Variants in RNF2 observed in about 807,000 individuals in gnomAD.
The protein encoded by RNF2 is E3 ubiquitin-protein ligase RING2.
RNF2 carries 6 observed loss-of-function variants against 37.2 expected under a neutral mutation model. The ratio of observed to expected loss-of-function variants is 0.16; its 90% CI spans 0.09 to 0.32. RNF2 has a LOEUF of 0.32. Among genes scored for constraint, RNF2 ranks in the 10% least tolerant of loss-of-function variants. RNF2 has a pLI of 1.00. For missense variants in RNF2, 251 were observed against 404.0 expected, an observed-to-expected ratio of 0.62 and a Z score of 3.25; for synonymous variants, 133 against 132.7, an observed-to-expected ratio of 1.00 and a Z score of -0.02.
chr1:185,068,909 G>A (rs1650879499), intron 1 of RNF2, among the ~76,000 whole-genome samples: 1 of 152,052 alleles, frequency 6.6e-6, no homozygotes, highest in Non-Finnish European at 1.5e-5. Context: ...AAATTTTTAC[G>A]ATTAAAGCAG....
intron 1 of RNF2, among the ~76,000 whole-genome samples, chr1:185,058,595 G>C (rs527338452): frequency 2.0e-5 from 3 of 152,144 alleles, no homozygotes; most frequent in African/African-American, 7.2e-5. Flanking sequence ...TTTATTGTTC[G>C]GTAATGTGGA....
In RNF2 at chr1:185,097,527, T is replaced by C. The variant is rs541663342; in HGVS notation, c.465-545T>C. ...TTTGTCAATTAATTCTTATAGTCTT[T>C]TGTTTAATAAAGAAAATTATTTTTA... On this transcript the variant is annotated intron_variant, in intron 4 of 6. Transcript: ENST00000367510. Among the ~76,000 whole-genome samples the C allele has an allele frequency of 2.1e-3, 326 of 152,324 alleles. 1 individual carries two copies. Among genetic ancestry groups the C allele is most frequent in the African/African-American group, 7.5e-3 (312 of 41,582 alleles).
At chr1:185,082,922 A>G (rs1307528586) in intron 1 of RNF2, among the ~76,000 whole-genome samples, 1 of 152,256 alleles carries the variant, frequency 6.6e-6, no homozygotes, top group African/African-American at 2.4e-5. Context: ...ACCACATTGA[A>G]GAATGTATTC....
chr1:185,094,877 C>T (rs1385233328), intron 4 of RNF2, among the ~76,000 whole-genome samples: 1 of 152,176 alleles, frequency 6.6e-6, no homozygotes, highest in African/African-American at 2.4e-5. Flanking sequence ...TAGTAAAGTC[C>T]ATCTCAGTCT....
intron 2 of RNF2, among the ~76,000 whole-genome samples, chr1:185,089,341 A>T (rs898685069): frequency 6.6e-6 from 1 of 152,180 alleles, no homozygotes; most frequent in African/African-American, 2.4e-5. Context: ...AGTATGTGGG[A>T]GAATATGCCT....
At chr1:185,067,414 C>G (rs1190124885) in intron 1 of RNF2, among the ~76,000 whole-genome samples, 1 of 152,096 alleles carries the variant, frequency 6.6e-6, no homozygotes, top group Non-Finnish European at 1.5e-5. Context: ...CACCTGTATC[C>G]TGTAAGCAAG....
At chr1:185,068,887 G>A (rs904544319) in intron 1 of RNF2, among the ~76,000 whole-genome samples, 2 of 152,130 alleles carry the variant, frequency 1.3e-5, no homozygotes, top group African/African-American at 4.8e-5. Flanking sequence ...CAGATACTCT[G>A]TATAGACCAG....
Position 185,100,436 on chromosome 1 carries a change from G to A in RNF2, c.*135G>A, listed in dbSNP as rs1363318712. 7 of 477,030 alleles carry A rather than the reference G, an allele frequency of 1.5e-5. No homozygotes were observed. Among genetic ancestry groups the A allele is most frequent in the Non-Finnish European group, 2.6e-5 (7 of 270,732 alleles). The allele number at this position is 477,030 out of a possible 1,614,324, so 29.5% of individuals were successfully genotyped here. ...TTCTTTCTGAGCCAGACTAGTTTAC[G>A]CTATTCAAATCTTTTCCCCTTTATT... On this transcript the variant is annotated 3_prime_UTR_variant, in exon 7 of 7. Coordinates refer to ENST00000367510, the MANE Select transcript of RNF2 (RefSeq NM_007212.4).
At chr1:185,063,488 G>A (rs1650672763) in intron 1 of RNF2, among the ~76,000 whole-genome samples, 1 of 152,096 alleles carries the variant, frequency 6.6e-6, no homozygotes, top group Admixed American at 6.5e-5. Flanking sequence ...TAAGACTATT[G>A]AGCAAATAAA....
chr1:185,080,882 C>T lies in RNF2; in HGVS notation c.-2-6670C>T, dbSNP rs546903086. ...AGTTCCTATTAATTTTCCAGGGTAGCGTTCAGTAGGCAGAAGGAGTGTTCT... is the reference window on the plus strand; with the variant it reads ...AGTTCCTATTAATTTTCCAGGGTAGTGTTCAGTAGGCAGAAGGAGTGTTCT... On this transcript the variant is annotated intron_variant, in intron 1 of 6. Coordinates refer to ENST00000367510, the MANE Select transcript of RNF2 (RefSeq NM_007212.4). 2.6e-5 allele frequency among the ~76,000 whole-genome samples: 4 copies of T among 152,226 alleles called. No homozygotes were observed. In the South Asian group the frequency reaches 8.3e-4, roughly 32 times the overall value.
At chr1:185,092,365 G>A (rs758717028) in intron 3 of RNF2, among the ~76,000 whole-genome samples, 4 of 151,696 alleles carry the variant, frequency 2.6e-5, no homozygotes, top group Non-Finnish European at 4.4e-5. Flanking sequence ...TTAGTAGAGG[G>A]GGGCTTTCAC....
chr1:185,064,449 A>G (rs58830489), intron 1 of RNF2, among the ~76,000 whole-genome samples: 131 of 152,214 alleles, frequency 8.6e-4, no homozygotes, highest in African/African-American at 3.1e-3. Flanking sequence ...TCGACTTACG[A>G]TTTTTCAACT....
At chr1:185,076,527 C>T (rs1028484989) in intron 1 of RNF2, among the ~76,000 whole-genome samples, 5 of 150,762 alleles carry the variant, frequency 3.3e-5, no homozygotes, top group African/African-American at 9.7e-5. Context: ...ACCTTGTGAT[C>T]CACCTGCCTT....
intron 1 of RNF2, among the ~76,000 whole-genome samples, chr1:185,067,162 A>T (rs1470693194): frequency 6.6e-6 from 1 of 152,232 alleles, no homozygotes; most frequent in Non-Finnish European, 1.5e-5. Flanking sequence ...CTATTAGGCT[A>T]CCAAGAGTAA....
intron 1 of RNF2, among the ~76,000 whole-genome samples, chr1:185,073,668 GTTAC>G (rs1374571059): frequency 3.3e-5 from 5 of 152,158 alleles, no homozygotes; most frequent in African/African-American, 9.7e-5. Context: ...TGTGTCTACT[GTTAC>G]TTACAAGGAA....
At chr1:185,083,338 C>T (rs1651484289) in intron 1 of RNF2, among the ~76,000 whole-genome samples, 1 of 151,874 alleles carries the variant, frequency 6.6e-6, no homozygotes, top group Non-Finnish European at 1.5e-5. Context: ...GGAGATTGTC[C>T]AAATTTGCAA....
At chr1:185,059,118 A>T (rs764442746) in intron 1 of RNF2, among the ~76,000 whole-genome samples, 6 of 152,150 alleles carry the variant, frequency 3.9e-5, no homozygotes, top group Non-Finnish European at 5.9e-5. Flanking sequence ...AAGTTGCAGA[A>T]ATCTGGCGAC....
In RNF2 at chr1:185,100,187, T is replaced by C. The variant is rs1652038567; in HGVS notation, c.910-13T>C. The stretch of plus-strand genomic sequence containing the variant: ...TGCAGTTTTCATAATTTTTTCTTTC[T>C]TTTTTGTTTTAGGTATTAAATGGCT... On this transcript the variant is annotated splice_polypyrimidine_tract_variant and intron_variant, in intron 6 of 6. Transcript: ENST00000367510. 4.5e-6 allele frequency: 7 copies of C among 1,560,536 alleles called. No individual in the cohort carries two copies. In the East Asian group the frequency reaches 1.6e-4, roughly 35 times the overall value.
intron 1 of RNF2, among the ~76,000 whole-genome samples, chr1:185,078,708 G>A (rs1651249834): frequency 6.6e-6 from 1 of 152,198 alleles, no homozygotes; most frequent in Non-Finnish European, 1.5e-5. Flanking sequence ...TTGGGAGTTC[G>A]AGACCAGCCT....
Sources: allele counts gnomAD v4.1 joint callset (sites outside exome capture counted in the v4.1 genomes callset), GRCh38; gene constraint gnomAD v4.1.1; transcripts MANE v1.5; gene names NCBI Gene and HGNC (gene_info 2026-07-23, HGNC 2026-07-21).